ARSB: variants seen among roughly 807,000 people sequenced by gnomAD.
The protein encoded by ARSB is arylsulfatase B, also known as N-acetylgalactosamine-4-sulfatase.
ARSB carries 41 observed loss-of-function variants against 50.9 expected under a neutral mutation model. That is an observed-to-expected ratio of 0.81 (90% CI 0.63 to 1.04). The LOEUF is 1.04. Ranked by LOEUF, ARSB falls within the 50% of genes least tolerant of loss-of-function variation. The pLI, the probability that ARSB is intolerant of heterozygous loss-of-function variation, is 0.00. For synonymous variants in ARSB, 269 were observed against 284.8 expected, an observed-to-expected ratio of 0.94 and a Z score of 0.56; for missense variants, 672 against 693.3, an observed-to-expected ratio of 0.97 and a Z score of 0.35.
chr5:78,852,930 G>A (rs533225628), intron 5 of ARSB, among the ~76,000 whole-genome samples: 75 of 152,228 alleles, frequency 4.9e-4, no homozygotes, highest in African/African-American at 1.7e-3. Flanking sequence ...GCACTTCTCT[G>A]TATTGGTTAT....
intron 6 of ARSB, among the ~76,000 whole-genome samples, chr5:78,797,394 C>A (rs1376187184): frequency 6.6e-6 from 1 of 152,260 alleles, no homozygotes; most frequent in Non-Finnish European, 1.5e-5. Flanking sequence ...TTATCTCTAA[C>A]CCAGACTGTT....
chr5:78,861,295 C>G (rs1366796360), intron 5 of ARSB, among the ~76,000 whole-genome samples: 1 of 152,088 alleles, frequency 6.6e-6, no homozygotes, highest in Admixed American at 6.6e-5. Flanking sequence ...CAAAGCCTGG[C>G]AGAGACACAA....
intron 4 of ARSB, among the ~76,000 whole-genome samples, chr5:78,890,861 C>A (rs927708489): frequency 1.3e-5 from 2 of 152,182 alleles, no homozygotes; most frequent in African/African-American, 4.8e-5. Context: ...GGCTCCCTTG[C>A]CTAAAGTGCC....
intron 4 of ARSB, among the ~76,000 whole-genome samples, chr5:78,940,302 T>A (rs1009412226): frequency 4.8e-4 from 73 of 152,258 alleles, no homozygotes; most frequent in African/African-American, 1.7e-3. Flanking sequence ...CCCATTTGTC[T>A]ATTTTGGCTT....
chr5:78,800,321 T>TAA (rs780478380), intron 6 of ARSB, among the ~76,000 whole-genome samples: 1 of 121,942 alleles, frequency 8.2e-6, no homozygotes. Flanking sequence ...CCATCTCAAT[T>TAA]AAAAAAAAAA....
intron 6 of ARSB, among the ~76,000 whole-genome samples, chr5:78,827,815 C>T (rs1744500883): frequency 6.6e-6 from 1 of 151,770 alleles, no homozygotes; most frequent in East Asian, 1.9e-4. Flanking sequence ...ACCCACAGTC[C>T]TAACGGCAAA....
intron 1 of ARSB, 105 bp from the exon 2 acceptor site, chr5:78,969,297 G>C (rs2112531095): frequency 8.1e-7 from 1 of 1,236,354 alleles, no homozygotes; most frequent in African/African-American, 1.5e-5. Context: ...TGACTTGGAT[G>C]TTTAACTCTA....
chr5:78,880,075 T>G (rs1412612740), intron 5 of ARSB, among the ~76,000 whole-genome samples: 3 of 152,188 alleles, frequency 2.0e-5, no homozygotes, highest in Non-Finnish European at 2.9e-5. Context: ...GTCACCACTA[T>G]GTACGGTACT....
At chr5:78,870,840 A>G (rs1581072007) in intron 5 of ARSB, among the ~76,000 whole-genome samples, 1 of 152,032 alleles carries the variant, frequency 6.6e-6, no homozygotes, top group Non-Finnish European at 1.5e-5. Flanking sequence ...GAAGGAAATA[A>G]AGGGTATTCA....
At chr5:78,968,971 C>A in intron 2 of ARSB, 35 bp downstream of exon 2, 1 of 1,610,616 alleles carries the variant, frequency 6.2e-7, no homozygotes. Flanking sequence ...TGCAGTTAGT[C>A]TAAGTTGTTA....
chr5:78,960,268 T>C (rs1182176976), intron 3 of ARSB, among the ~76,000 whole-genome samples: 3 of 152,220 alleles, frequency 2.0e-5, no homozygotes, highest in South Asian at 2.1e-4. Context: ...TCCTAAGATA[T>C]ATACTGTAAA....
intron 6 of ARSB, among the ~76,000 whole-genome samples, chr5:78,835,833 G>T (rs960449910): frequency 3.3e-5 from 5 of 152,168 alleles, no homozygotes; most frequent in African/African-American, 1.2e-4. Context: ...GGAAACTGAC[G>T]AAGTGGCTTT....
intron 6 of ARSB, among the ~76,000 whole-genome samples, chr5:78,808,849 G>C (rs1333592849): frequency 6.6e-6 from 1 of 152,148 alleles, no homozygotes; most frequent in Non-Finnish European, 1.5e-5. Flanking sequence ...CCTCTGCTCG[G>C]GTCAACGATG....
At chr5:78,840,454 C>A (rs1299288136) in intron 5 of ARSB, among the ~76,000 whole-genome samples, 1 of 152,008 alleles carries the variant, frequency 6.6e-6, no homozygotes, top group East Asian at 1.9e-4. Context: ...AATACAATTT[C>A]AAAAAATCTG....
At chr5:78,947,882 T>G (rs1223204320) in intron 4 of ARSB, among the ~76,000 whole-genome samples, 1 of 152,180 alleles carries the variant, frequency 6.6e-6, no homozygotes, top group Non-Finnish European at 1.5e-5. Flanking sequence ...GAAAACAACC[T>G]AAGTGTCCAT....
At chr5:78,871,154 G>T (rs574530912) in intron 5 of ARSB, among the ~76,000 whole-genome samples, 123 of 149,034 alleles carry the variant, frequency 8.3e-4, no homozygotes, top group Middle Eastern at 3.4e-3. Context: ...CACTGCTCAA[G>T]GAAATAAAAG....
rs978263367 is a variant in ARSB, at chr5:78,778,732, A to T, written c.*1665T>A. ...ATTTGTCCATTTATTCATTTGTTTTAAAAAATGAGGCCAGGCATGGTGACT... is the reference window on the plus strand; with the variant it reads ...ATTTGTCCATTTATTCATTTGTTTTTAAAAATGAGGCCAGGCATGGTGACT... On this transcript the variant is annotated 3_prime_UTR_variant, in exon 8 of 8. Coordinates refer to ENST00000264914, the MANE Select transcript of ARSB (RefSeq NM_000046.5). 1 of 152,208 alleles carries T rather than the reference A, an allele frequency of 6.6e-6. No individual in the cohort carries two copies. Among genetic ancestry groups the T allele is most frequent in the Non-Finnish European group, 1.5e-5 (1 of 68,044 alleles). The allele number at this position is 152,208 out of a possible 1,614,324, so 9.4% of individuals were successfully genotyped here.
chr5:78,789,557 G>A (rs1288068220), intron 6 of ARSB, among the ~76,000 whole-genome samples: 4 of 152,200 alleles, frequency 2.6e-5, no homozygotes, highest in East Asian at 1.9e-4. Context: ...GCAGACTGGA[G>A]TGATATGGTA....
intron 6 of ARSB, among the ~76,000 whole-genome samples, chr5:78,806,226 T>A (rs1419638106): frequency 6.6e-6 from 1 of 152,184 alleles, no homozygotes; most frequent in Non-Finnish European, 1.5e-5. Context: ...TTAACCCAAA[T>A]GCAGAGAAAA....
Sources: gnomAD v4.1 joint callset for allele counts (sites outside exome capture counted in the v4.1 genomes callset) on GRCh38, gnomAD v4.1.1 for gene constraint, MANE v1.5 for transcripts, NCBI Gene and HGNC (gene_info 2026-07-23, HGNC 2026-07-21) for gene names.